The following SULT1B1 variants were observed in gnomAD, a reference collection of about 807,000 sequenced individuals.
SULT1B1 encodes sulfotransferase family 1B member 1.
A neutral mutation model predicts 34.6 loss-of-function variants in SULT1B1; 28 were observed. The ratio of observed to expected loss-of-function variants is 0.81; its 90% CI spans 0.60 to 1.11. The LOEUF (loss-of-function observed/expected upper bound fraction) is 1.11, where lower values mean the gene tolerates loss of function less well. Ranked by LOEUF, SULT1B1 falls within the 50% of genes least tolerant of loss-of-function variation. SULT1B1 has a pLI of 0.00. For missense variants in SULT1B1, 374 were observed against 352.2 expected (o/e 1.06, Z -0.50); for synonymous variants, 147 against 110.2 (o/e 1.33, Z -2.09).
intron 3 of SULT1B1, among the ~76,000 whole-genome samples, chr4:69,750,614 A>G (rs757370491): frequency 5.5e-4 from 84 of 152,334 alleles, no homozygotes; most frequent in Admixed American, 1.4e-3. Flanking sequence ...ATTGAAAACA[A>G]TGCTTTGTTT....
In SULT1B1 at chr4:69,726,035, T is replaced by C. The variant is rs1265975696; in HGVS notation, c.*1053A>G. 2 of 18,344 alleles carry C rather than the reference T, an allele frequency of 1.1e-4. No homozygotes were observed. The highest frequency in any genetic ancestry group is 2.7e-4 in the African/African-American group (1 of 3,654). The allele number at this position is 18,344 out of a possible 1,614,324, so 1.1% of individuals were successfully genotyped here. A position where few individuals can be genotyped will look rare whatever the true frequency, so the allele number is the denominator to read the frequency against. ...TTAAAGTATAATAATAAAATGTACA[T>C]ATATATATATATATATATATATATA... On this transcript the variant is annotated 3_prime_UTR_variant, in exon 8 of 8. Transcript: ENST00000310613.
rs764253725 is a variant in SULT1B1, at chr4:69,754,777, A to C, written c.170T>G (p.Ile57Ser). Residue 57 changes from isoleucine to serine, a missense_variant, in exon 3 of 8, where the codon ATT becomes AGT. Physicochemically the swap from Ile to Ser is moderately radical, Grantham distance 142. Transcript: ENST00000310613. ...PKSGTTWVSE[I>S]IDMILNDGDI... ...TCCATCATTTAGAATCATGTCTATA[A>C]TTTCACTAACCCAAGTAGTACCTGT... The C allele has an allele frequency of 3.1e-6, 5 of 1,612,610 alleles. No homozygotes were observed. The African/African-American group carries it at 5.3e-5, about 17-fold the overall frequency.
chr4:69,747,555 C>T (rs954742080), intron 4 of SULT1B1, among the ~76,000 whole-genome samples: 2 of 152,212 alleles, frequency 1.3e-5, no homozygotes, highest in Non-Finnish European at 2.9e-5. Flanking sequence ...TGGGAGCTAG[C>T]AAAAGCTAAA....
At chr4:69,734,370 A>G in intron 4 of SULT1B1, 106 bp from the exon 5 acceptor site, 1 of 1,310,764 alleles carries the variant, frequency 7.6e-7, no homozygotes, top group South Asian at 1.5e-5. Flanking sequence ...TTTTTCAAAT[A>G]GAAATTGTGG....
Position 69,730,555 on chromosome 4 carries a change from T to C in SULT1B1, c.724A>G (p.Thr242Ala). ...TCCATCACTGTAGTTGGTAGATGTGTATAATTTACCAAAGGATTGTCCTTC... is the reference window on the plus strand; with the variant it reads ...TCCATCACTGTAGTTGGTAGATGTGCATAATTTACCAAAGGATTGTCCTTC... ...VMKDNPLVNY[T>A]HLPTTVMDHS... The change falls in exon 7 of 8, where the codon ACA (threonine) becomes GCA (alanine). Residue 242 changes from threonine (T) to alanine (A), a missense_variant. Physicochemically the swap from Thr to Ala is moderately conservative, Grantham distance 58. Transcript: ENST00000310613. 1.2e-6 allele frequency: 2 copies of C among 1,612,940 alleles called. No individual in the cohort carries two copies. The highest frequency in any genetic ancestry group is 1.7e-5 in the Admixed American group (1 of 59,972).
intron 1 of SULT1B1, chr4:69,758,378 C>T: frequency 1.0e-6 from 1 of 985,336 alleles, no homozygotes; most frequent in Non-Finnish European, 1.2e-6. Flanking sequence ...CCACAGAAGT[C>T]AACATAGTAC....
intron 1 of SULT1B1, among the ~76,000 whole-genome samples, chr4:69,755,519 G>C (rs907359284): frequency 6.6e-6 from 1 of 152,156 alleles, no homozygotes; most frequent in South Asian, 2.1e-4. Context: ...ATTAAAAAGC[G>C]TGTTTCACAG....
chr4:69,745,348 T>C (rs945629874), intron 4 of SULT1B1, among the ~76,000 whole-genome samples: 1 of 152,254 alleles, frequency 6.6e-6, no homozygotes, highest in Non-Finnish European at 1.5e-5. Flanking sequence ...AGTATCTTTG[T>C]AGGTCTATAA....
At chr4:69,733,266 A>T (rs1473643852) in intron 6 of SULT1B1, 147 bp downstream of exon 6, 1 of 531,118 alleles carries the variant, frequency 1.9e-6, no homozygotes, top group African/African-American at 1.9e-5. Flanking sequence ...CTCATTAATT[A>T]TAGCAAGATT....
At position 69,725,051 on chromosome 4, in the gene SULT1B1, C is replaced by G. The variant is rs1365710543; in HGVS notation, c.*2037G>C. The G allele has an allele frequency of 1.3e-5, 2 of 151,506 alleles. No individual in the cohort carries two copies. Among genetic ancestry groups the G allele is most frequent in the African/African-American group, 2.4e-5 (1 of 40,942 alleles). The allele number at this position is 151,506 out of a possible 1,614,324, so 9.4% of individuals were successfully genotyped here. On this transcript the variant is annotated 3_prime_UTR_variant, in exon 8 of 8. Coordinates refer to ENST00000310613, the MANE Select transcript of SULT1B1 (RefSeq NM_014465.4). The stretch of plus-strand genomic sequence containing the variant: ...CTAATTAAACTAAAGAGCTTCTGCA[C>G]AGCAAAAGAAACTACCATCAGCGTG...
chr4:69,730,578 T>G lies in SULT1B1; in HGVS notation c.701A>C (p.Lys234Thr). The change falls in exon 7 of 8, where the codon AAG (lysine) becomes ACG (threonine). Residue 234 changes from lysine (K) to threonine (T), a missense_variant. Transcript: ENST00000310613. The stretch of plus-strand genomic sequence containing the variant: ...TGTATAATTTACCAAAGGATTGTCC[T>G]TCATCACTTCAAATGAGGTGTGATG... The part of the protein sequence containing the change: ...IIHHTSFEVM[K>T]DNPLVNYTHL... 2 of 1,613,290 alleles carry G rather than the reference T, an allele frequency of 1.2e-6. No homozygotes were observed. Among genetic ancestry groups the G allele is most frequent in the Non-Finnish European group, 1.7e-6 (2 of 1,179,568 alleles).
At chr4:69,727,239 T>C (rs751493214) in intron 7 of SULT1B1, 39 bp from the exon 8 acceptor site, 7 of 1,537,702 alleles carry the variant, frequency 4.6e-6, no homozygotes, top group Non-Finnish European at 5.3e-6. Flanking sequence ...GAATAAAATA[T>C]TTCCATAAGA....
intron 1 of SULT1B1, among the ~76,000 whole-genome samples, chr4:69,756,848 T>C (rs1248230220): frequency 6.6e-6 from 1 of 152,094 alleles, no homozygotes; most frequent in Admixed American, 6.5e-5. Context: ...ACCCTTTTGG[T>C]TCTATTCAGG....
chr4:69,725,441 A>G lies in SULT1B1; in HGVS notation c.*1647T>C, dbSNP rs1717796715. 6.6e-6 allele frequency: 1 copy of G among 152,222 alleles called. No homozygotes were observed. The highest frequency in any genetic ancestry group is 1.5e-5 in the Non-Finnish European group (1 of 68,046). The allele number at this position is 152,222 out of a possible 1,614,324, so 9.4% of individuals were successfully genotyped here. On this transcript the variant is annotated 3_prime_UTR_variant, in exon 8 of 8. Transcript: ENST00000310613. ...TTTGGTGGGAGTGTAAACTAGTTCA[A>G]CCATTGTGGAAGACAGTGTGGCAAT...
intron 4 of SULT1B1, among the ~76,000 whole-genome samples, chr4:69,740,143 C>T (rs947135080): frequency 6.6e-6 from 1 of 152,206 alleles, no homozygotes; most frequent in Non-Finnish European, 1.5e-5. Flanking sequence ...TACCCAGTTC[C>T]AAAGTCACTT....
chr4:69,743,485 C>T lies in SULT1B1; in HGVS notation c.375+6236G>A, dbSNP rs1718630434. Among the ~76,000 whole-genome samples the T allele has an allele frequency of 2.0e-5, 3 of 152,172 alleles. No homozygotes were observed. The South Asian group carries it at 6.2e-4, about 31-fold the overall frequency. ...CAAGTTCCCATTCTGGTCCACAGGA[C>T]CAGCAGCCCAGCTCCCAGGCTTCAG... On this transcript the variant is annotated intron_variant, in intron 4 of 7. Transcript: ENST00000310613.
chr4:69,730,533 A>G lies in SULT1B1; in HGVS notation c.746T>C (p.Met249Thr). 1 of 1,609,966 alleles carries G rather than the reference A, an allele frequency of 6.2e-7. No individual in the cohort carries two copies. Among genetic ancestry groups the G allele is most frequent in the Non-Finnish European group, 8.5e-7 (1 of 1,176,692 alleles). Residue 249 changes from methionine (M) to threonine (T), a missense_variant, in exon 7 of 8, where the codon ATG (methionine) becomes ACG (threonine). Physicochemically the swap from Met to Thr is moderately conservative, Grantham distance 81. Transcript: ENST00000310613. The stretch of plus-strand genomic sequence containing the variant: ...CATAAAAGGGGATTTGCTATGATCC[A>G]TCACTGTAGTTGGTAGATGTGTATA... Reference protein sequence around the residue: ...VNYTHLPTTVMDHSKSPFMRK... With the variant: ...VNYTHLPTTVTDHSKSPFMRK...
chr4:69,726,004 T>C lies in SULT1B1; in HGVS notation c.*1084A>G, dbSNP rs1239749166. 8.1e-6 allele frequency: 1 copy of C among 123,118 alleles called. No individual in the cohort carries two copies. The highest frequency in any genetic ancestry group is 1.6e-5 in the Non-Finnish European group (1 of 60,914). The allele number at this position is 123,118 out of a possible 1,614,324, so 7.6% of individuals were successfully genotyped here. A position where few individuals can be genotyped will look rare whatever the true frequency, so the allele number is the denominator to read the frequency against. On this transcript the variant is annotated 3_prime_UTR_variant, in exon 8 of 8. Coordinates refer to ENST00000310613, the MANE Select transcript of SULT1B1 (RefSeq NM_014465.4). ...ACCTGCACATTGTGCACATGTAACC[T>C]GGAACTTAAAGTATAATAATAAAAT...
chr4:69,738,902 A>T (rs1392969665), intron 4 of SULT1B1, among the ~76,000 whole-genome samples: 1 of 152,192 alleles, frequency 6.6e-6, no homozygotes, highest in Non-Finnish European at 1.5e-5. Context: ...TGGTTGAAAC[A>T]AAAGGGGCTA....
Sources: gnomAD v4.1 joint callset for allele counts (sites outside exome capture counted in the v4.1 genomes callset) on GRCh38, gnomAD v4.1.1 for gene constraint, MANE v1.5 for transcripts, NCBI Gene and HGNC (gene_info 2026-07-23, HGNC 2026-07-21) for gene names.